The following STK10 variants were observed in gnomAD, a reference collection of about 807,000 sequenced individuals.
STK10 encodes the protein serine/threonine kinase 10.
A neutral mutation model predicts 113.8 loss-of-function variants in STK10; 78 were observed. That is an observed-to-expected ratio of 0.69 (90% CI 0.57 to 0.83). The LOEUF (loss-of-function observed/expected upper bound fraction) is 0.83, where lower values mean the gene tolerates loss of function less well. Among genes scored for constraint, STK10 ranks in the 40% least tolerant of loss-of-function variants. The probability of loss-of-function intolerance (pLI) is 0.00; values close to 1 mark genes in which losing one functional copy is unlikely to be tolerated. For synonymous variants in STK10, 465 were observed against 494.7 expected (o/e 0.94, Z 0.80); for missense variants, 1,109 against 1,280.1 (o/e 0.87, Z 2.04).
chr5:172,145,677 G>A (rs3776753), intron 2 of STK10, among the ~76,000 whole-genome samples: 20,171 of 152,224 alleles, frequency 0.13, 1,426 homozygotes, highest in Non-Finnish European at 0.14. Flanking sequence ...AATTATGGCC[G>A]GACACTAACA....
At chr5:172,114,186 A>C (rs1179808667) in intron 4 of STK10, among the ~76,000 whole-genome samples, 2 of 151,754 alleles carry the variant, frequency 1.3e-5, no homozygotes, top group Admixed American at 1.3e-4. Flanking sequence ...CTTGGAGGGA[A>C]GCCCACGGAG....
Position 172,043,615 on chromosome 5 carries a change from C to T in STK10, c.*1267G>A, listed in dbSNP as rs1361381991. Reference sequence around the variant, plus strand: ...AAAGGTTTCCTTGTAAGTAAACCCGCATACTGGTTCAAACATTTGCTTTTA... The same window carrying T: ...AAAGGTTTCCTTGTAAGTAAACCCGTATACTGGTTCAAACATTTGCTTTTA... On this transcript the variant is annotated 3_prime_UTR_variant, in exon 19 of 19. Transcript: ENST00000176763. 1 of 152,216 alleles carries T rather than the reference C, an allele frequency of 6.6e-6. No homozygotes were observed. The highest frequency in any genetic ancestry group is 1.5e-5 in the Non-Finnish European group (1 of 68,044). 9.4% of individuals were successfully genotyped at this position (152,216 alleles called of 1,614,324 possible). A position where few individuals can be genotyped will look rare whatever the true frequency, so the allele number is the denominator to read the frequency against.
At chr5:172,066,115 G>A (rs61466410) in intron 12 of STK10, among the ~76,000 whole-genome samples, 12 of 152,006 alleles carry the variant, frequency 7.9e-5, no homozygotes, top group African/African-American at 2.7e-4. Flanking sequence ...GGGGGGAAAG[G>A]CCCGCCTGTG....
chr5:172,093,478 C>T lies in STK10; in HGVS notation c.1488G>A (p.Met496Ile). ...CAGTGGAGAGATTGGTACCATAGTC[C>T]ATGCTCTCAGAGGTGCAGAGGCTGC... ...DCSSLCTSESMDYGTNLSTDL... is the reference protein window; with the variant it reads ...DCSSLCTSESIDYGTNLSTDL... The change falls in exon 9 of 19, where the codon ATG (methionine) becomes ATA (isoleucine). Residue 496 changes from methionine to isoleucine, a missense_variant. Met to Ile is a conservative substitution (Grantham distance 10). This residue lies in a region of STK10 where 885 missense variants were observed against 991.1 expected (regional missense o/e 0.89). Coordinates refer to ENST00000176763, the MANE Select transcript of STK10 (RefSeq NM_005990.4). This position sits in a 1 kb window ranked among gnomAD's most constrained non-coding sequence, Gnocchi z 4.1. 6.2e-7 allele frequency: 1 copy of T among 1,614,214 alleles called. No homozygotes were observed. The highest frequency in any genetic ancestry group is 8.5e-7 in the Non-Finnish European group (1 of 1,180,018).
chr5:172,100,887 C>A lies in STK10; in HGVS notation c.871-4327G>T, dbSNP rs116455530. ...CTCTCCCTTCTGGTCTTCTTCCCTC[C>A]CTCTCTCTTTCATTCATTCGGAGAG... is the stretch of plus-strand genomic sequence containing the variant. On this transcript the variant is annotated intron_variant, in intron 7 of 18. Transcript: ENST00000176763. Among the ~76,000 whole-genome samples the A allele has an allele frequency of 4.9e-3, 739 of 152,306 alleles. 8 individuals carry two copies. Among genetic ancestry groups the A allele is most frequent in the African/African-American group, 0.017 (705 of 41,578 alleles).
intron 18 of STK10, among the ~76,000 whole-genome samples, chr5:172,048,414 T>A (rs902731508): frequency 7.8e-6 from 1 of 128,394 alleles, no homozygotes. Flanking sequence ...TCCCTCTCCC[T>A]ACACACACAC....
rs769018356 is a variant in STK10 at position 172,044,785 on chromosome 5, G to GC, written c.*96dup. 7.3e-5 allele frequency: 117 copies of GC among 1,592,180 alleles called. No homozygotes were observed. The African/African-American group carries it at 1.3e-3, about 18-fold the overall frequency. On this transcript the variant is annotated 3_prime_UTR_variant, in exon 19 of 19. Transcript: ENST00000176763. The surrounding 1 kb of genome is among the most constrained non-coding windows in gnomAD (Gnocchi z 4.5). The stretch of plus-strand genomic sequence containing the variant: ...GGGCTGGATTTGAGCTGGCACAGAC[G>GC]CAAGAGGGAAAAGGGGTCCTGAGTT...
chr5:172,125,344 C>T (rs1769597582), intron 3 of STK10, among the ~76,000 whole-genome samples: 1 of 152,076 alleles, frequency 6.6e-6, no homozygotes, highest in South Asian at 2.1e-4. Context: ...CCCTTTTTGA[C>T]CTACCTCTTT....
At chr5:172,163,529 C>T (rs1339158824) in intron 1 of STK10, among the ~76,000 whole-genome samples, 1 of 152,180 alleles carries the variant, frequency 6.6e-6, no homozygotes, top group African/African-American at 2.4e-5. Flanking sequence ...TTAAGGCCAG[C>T]GTTAGCCTTG....
chr5:172,156,085 T>C (rs1433032811), intron 2 of STK10, among the ~76,000 whole-genome samples: 2 of 151,962 alleles, frequency 1.3e-5, no homozygotes, highest in Non-Finnish European at 2.9e-5. Flanking sequence ...TGATGGAGAA[T>C]AGCGGGCTGG....
chr5:172,064,435 A>T (rs534832556), intron 13 of STK10: 1 of 486,142 alleles, frequency 2.1e-6, no homozygotes, highest in Admixed American at 3.3e-5. Context: ...TTACAAATAA[A>T]TAACCCTAAA....
chr5:172,057,359 T>C lies in STK10; in HGVS notation c.2327A>G (p.Lys776Arg), dbSNP rs752340643. 4 of 1,577,782 alleles carry C rather than the reference T, an allele frequency of 2.5e-6. No homozygotes were observed. Among genetic ancestry groups the C allele is most frequent in the Admixed American group, 1.8e-5 (1 of 55,846 alleles). ...YFLQRHELLR[K>R]HEKEREQMQR... is the part of the protein sequence containing the mutation. ...CACCGGCAGCCTCACCTTCTCATGC[T>C]TGCGCAGCAGCTCGTGCCGCTGGAG... is the stretch of plus-strand genomic sequence containing the variant. The change falls in exon 15 of 19, where the codon AAG becomes AGG. Residue 776 changes from lysine to arginine, a missense_variant. Physicochemically the swap from Lys to Arg is conservative, Grantham distance 26. Transcript: ENST00000176763.
intron 2 of STK10, among the ~76,000 whole-genome samples, chr5:172,132,912 A>T (rs1638565979): frequency 6.6e-6 from 1 of 152,230 alleles, no homozygotes; most frequent in Non-Finnish European, 1.5e-5. Context: ...GTGACTATGT[A>T]ACCCAGAAGC....
At chr5:172,175,302 A>AT (rs1770738954) in intron 1 of STK10, among the ~76,000 whole-genome samples, 2 of 152,002 alleles carry the variant, frequency 1.3e-5, no homozygotes, top group African/African-American at 4.8e-5. Context: ...TCGGTAAGCT[A>AT]TGGGGGGAGA....
At position 172,161,480 on chromosome 5, in the gene STK10, G is replaced by A. The variant is rs1770471491; in HGVS notation, c.157-4692C>T. Among the ~76,000 whole-genome samples the A allele has an allele frequency of 3.3e-5, 5 of 151,944 alleles. No individual in the cohort carries two copies. In the South Asian group the frequency reaches 1.0e-3, roughly 32 times the overall value. On this transcript the variant is annotated intron_variant, in intron 1 of 18. Coordinates refer to ENST00000176763, the MANE Select transcript of STK10 (RefSeq NM_005990.4). ...AAAAAAAAAATAAAAAAATACTGAG[G>A]AGTGGTGCAAGCAGGCAATTTCTCT...
At chr5:172,186,617 G>A (rs538722413) in intron 1 of STK10, among the ~76,000 whole-genome samples, 1 of 150,996 alleles carries the variant, frequency 6.6e-6, no homozygotes, top group South Asian at 2.2e-4. Flanking sequence ...GGGAAACCCT[G>A]TCTCAAAAAA....
intron 10 of STK10, among the ~76,000 whole-genome samples, chr5:172,086,921 G>T (rs1164213051): frequency 6.6e-6 from 1 of 152,206 alleles, no homozygotes; most frequent in African/African-American, 2.4e-5. Flanking sequence ...CTTCTCCATG[G>T]GGTGTGGCCA....
In STK10 at chr5:172,120,254, A is replaced by G. The variant is rs1769482637; in HGVS notation, c.371-2624T>C. On this transcript the variant is annotated intron_variant, in intron 3 of 18. Coordinates refer to ENST00000176763, the MANE Select transcript of STK10 (RefSeq NM_005990.4). The surrounding 1 kb of genome is among the most constrained non-coding windows in gnomAD (Gnocchi z 4.0). ...GCTCCGAGTCTTCCCTCTGCCTACA[A>G]CAGCACTGCTGTGTCCGGCTTGCCT... Among the ~76,000 whole-genome samples the G allele has an allele frequency of 6.6e-6, 1 of 152,120 alleles. No individual in the cohort carries two copies. Among genetic ancestry groups the G allele is most frequent in the South Asian group, 2.1e-4 (1 of 4,834 alleles).
intron 2 of STK10, among the ~76,000 whole-genome samples, chr5:172,127,903 C>T (rs1376977028): frequency 6.6e-6 from 1 of 152,220 alleles, no homozygotes; most frequent in Non-Finnish European, 1.5e-5. Context: ...TGGCTCAGAA[C>T]ATCAGGGCCT....
Sources: gnomAD v4.1 joint callset for allele counts (sites outside exome capture counted in the v4.1 genomes callset) on GRCh38, gnomAD v4.1.1 for gene constraint, gnomAD v4.1.1 regional missense constraint, Gnocchi (gnomAD v3.1) non-coding constraint, MANE v1.5 for transcripts, NCBI Gene and HGNC (gene_info 2026-07-23, HGNC 2026-07-21) for gene names.